GAS7: variants seen among roughly 807,000 people sequenced by gnomAD.
The protein encoded by GAS7 is growth arrest-specific protein 7.
GAS7 carries 28 observed loss-of-function variants against 71.1 expected under a neutral mutation model. The observed-to-expected ratio is 0.39, with a 90% confidence interval of 0.29 to 0.54. The LOEUF (loss-of-function observed/expected upper bound fraction) is 0.54. Among genes scored for constraint, GAS7 ranks in the 20% least tolerant of loss-of-function variants. GAS7 has a pLI of 0.62. For missense variants in GAS7, 436 were observed against 627.8 expected, an observed-to-expected ratio of 0.69 and a Z score of 3.27; for synonymous variants, 258 against 245.8, an observed-to-expected ratio of 1.05 and a Z score of -0.46.
chr17:10,190,672 G>C (rs1200818162), intron 1 of GAS7, among the ~76,000 whole-genome samples: 1 of 152,058 alleles, frequency 6.6e-6, no homozygotes, highest in Admixed American at 6.6e-5. Flanking sequence ...AAAGGTAAGG[G>C]GAGAGATATC....
intron 1 of GAS7, among the ~76,000 whole-genome samples, chr17:10,148,478 C>A (rs1025905489): frequency 7.3e-5 from 11 of 149,972 alleles, no homozygotes; most frequent in African/African-American, 2.7e-4. Flanking sequence ...ATTAGCCAGG[C>A]GTGGTGGTGC....
chr17:9,958,762 C>A (rs1013814296), intron 5 of GAS7, among the ~76,000 whole-genome samples: 2 of 152,152 alleles, frequency 1.3e-5, no homozygotes, highest in Non-Finnish European at 2.9e-5. Context: ...CCCTCAGGGA[C>A]TCCTAGGAAC....
At chr17:10,079,034 G>A (rs554591951) in intron 1 of GAS7, among the ~76,000 whole-genome samples, 1 of 152,298 alleles carries the variant, frequency 6.6e-6, no homozygotes, top group Admixed American at 6.5e-5. Flanking sequence ...AGATCAAGAT[G>A]ACAACTGTTC....
chr17:10,030,948 G>A (rs906696580), intron 1 of GAS7, among the ~76,000 whole-genome samples: 3 of 152,100 alleles, frequency 2.0e-5, no homozygotes, highest in Non-Finnish European at 4.4e-5. Context: ...TGGAGTGTCC[G>A]GCATACTCTT....
At chr17:10,060,179 AGCAGCCCTG>A (rs1337574661) in intron 1 of GAS7, among the ~76,000 whole-genome samples, 2 of 152,242 alleles carry the variant, frequency 1.3e-5, no homozygotes, top group Non-Finnish European at 2.9e-5. Context: ...GCCGAGGAGA[AGCAGCCCTG>A]GTGCTTTAGT....
chr17:10,177,490 C>T lies in GAS7; in HGVS notation c.183+20718G>A, dbSNP rs1181672011. 2.6e-5 allele frequency among the ~76,000 whole-genome samples: 4 copies of T among 152,108 alleles called. No individual in the cohort carries two copies. In the South Asian group the frequency reaches 6.2e-4, roughly 24 times the overall value. On this transcript the variant is annotated intron_variant, in intron 1 of 13. Coordinates refer to ENST00000432992, the MANE Select transcript of GAS7 (RefSeq NM_201433.2). ...GACGCCATGTGTGGGGTCCCTGGCT[C>T]GGTGGAAACCCAAGAGATATTTACT...
At chr17:10,196,618 A>G (rs941295855) in intron 1 of GAS7, among the ~76,000 whole-genome samples, 2 of 152,088 alleles carry the variant, frequency 1.3e-5, no homozygotes, top group African/African-American at 4.8e-5. Context: ...CTTGCTAACT[A>G]ACACCTACCC....
intron 5 of GAS7, among the ~76,000 whole-genome samples, chr17:9,953,252 C>T (rs1322949989): frequency 6.6e-6 from 1 of 152,094 alleles, no homozygotes; most frequent in Admixed American, 6.6e-5. Flanking sequence ...GAACAGAAAA[C>T]AGGTTGGGGC....
intron 1 of GAS7, among the ~76,000 whole-genome samples, chr17:10,126,601 C>T (rs1237524052): frequency 2.0e-5 from 3 of 152,044 alleles, no homozygotes; most frequent in Admixed American, 6.6e-5. Flanking sequence ...CACACACACG[C>T]TCACACACAT....
intron 1 of GAS7, among the ~76,000 whole-genome samples, chr17:10,111,085 G>A (rs771354196): frequency 1.3e-5 from 2 of 152,158 alleles, no homozygotes; most frequent in Non-Finnish European, 2.9e-5. Flanking sequence ...AGTAACTGCT[G>A]TGTACATCTA....
At chr17:9,964,343 T>G (rs909141254) in intron 4 of GAS7, among the ~76,000 whole-genome samples, 11 of 152,120 alleles carry the variant, frequency 7.2e-5, no homozygotes, top group African/African-American at 2.7e-4. Context: ...GTCCCATCCC[T>G]TCAGCAGGTG....
chr17:9,921,135 G>C (rs1320456099), intron 11 of GAS7, among the ~76,000 whole-genome samples: 2 of 151,690 alleles, frequency 1.3e-5, no homozygotes, highest in African/African-American at 2.4e-5. Flanking sequence ...AGTGGATGCT[G>C]CACCGTAAAA....
At chr17:10,191,547 C>CT (rs1469585769) in intron 1 of GAS7, among the ~76,000 whole-genome samples, 2 of 132,988 alleles carry the variant, frequency 1.5e-5, no homozygotes, top group African/African-American at 2.9e-5. Context: ...CAGAGCAAGA[C>CT]CCTGTGTCAA....
intron 1 of GAS7, among the ~76,000 whole-genome samples, chr17:10,155,637 C>A (rs573608697): frequency 5.9e-5 from 9 of 152,148 alleles, no homozygotes; most frequent in Non-Finnish European, 1.0e-4. Flanking sequence ...TCTTCCCTGG[C>A]GGTACCATTC....
chr17:10,183,362 C>T (rs1297627231), intron 1 of GAS7, among the ~76,000 whole-genome samples: 1 of 152,110 alleles, frequency 6.6e-6, no homozygotes, highest in Non-Finnish European at 1.5e-5. Flanking sequence ...CCCTACTTCC[C>T]CAACACCATC....
chr17:10,126,847 T>C (rs2073955264), intron 1 of GAS7, among the ~76,000 whole-genome samples: 2 of 152,226 alleles, frequency 1.3e-5, no homozygotes, highest in South Asian at 4.1e-4. Flanking sequence ...CAGTTCTGGC[T>C]TCAAACCCCA....
At chr17:10,098,132 C>T (rs942296376) in intron 1 of GAS7, among the ~76,000 whole-genome samples, 1 of 152,296 alleles carries the variant, frequency 6.6e-6, no homozygotes, top group East Asian at 1.9e-4. Flanking sequence ...CCACTCCATG[C>T]CCCCATTCAC....
intron 5 of GAS7, among the ~76,000 whole-genome samples, chr17:9,955,008 G>A (rs1219267723): frequency 6.6e-6 from 1 of 152,156 alleles, no homozygotes; most frequent in African/African-American, 2.4e-5. Context: ...ATGCACAGAT[G>A]AGGAAACTGA....
intron 1 of GAS7, among the ~76,000 whole-genome samples, chr17:10,057,127 G>A (rs891411623): frequency 9.2e-5 from 14 of 152,202 alleles, no homozygotes; most frequent in African/African-American, 1.4e-4. Context: ...GTGCAGTGGC[G>A]TGATCTCGGC....
Sources: allele counts gnomAD v4.1 joint callset (sites outside exome capture counted in the v4.1 genomes callset), GRCh38; gene constraint gnomAD v4.1.1; transcripts MANE v1.5; gene names NCBI Gene and HGNC (gene_info 2026-07-23, HGNC 2026-07-21).